XXYLT1: variants seen among roughly 807,000 people sequenced by gnomAD.
XXYLT1 encodes the protein UDP-xylose:alpha-xyloside alpha-1,3-xylosyltransferase.
XXYLT1 carries 20 observed loss-of-function variants against 28.9 expected under a neutral mutation model. The ratio of observed to expected loss-of-function variants is 0.69; its 90% confidence interval spans 0.49 to 1.00. The LOEUF (loss-of-function observed/expected upper bound fraction) is 1.00. XXYLT1 is among the 50% of genes least tolerant of loss of function. XXYLT1 has a pLI of 0.00. For missense variants in XXYLT1, 542 were observed against 560.1 expected (o/e 0.97, Z 0.33); for synonymous variants, 257 against 253.8 (o/e 1.01, Z -0.12).
At chr3:195,212,428 G>C (rs917127787) in intron 2 of XXYLT1, among the ~76,000 whole-genome samples, 4 of 152,204 alleles carry the variant, frequency 2.6e-5, no homozygotes, top group Non-Finnish European at 4.4e-5. Context: ...AGAACAGGCT[G>C]GGTTCCAGTT....
chr3:195,130,933 C>G (rs1017199648), intron 3 of XXYLT1, among the ~76,000 whole-genome samples: 3 of 152,144 alleles, frequency 2.0e-5, no homozygotes, highest in Non-Finnish European at 2.9e-5. Context: ...AGAGCTGGAC[C>G]CAATGGTGAC....
chr3:195,085,054 C>T (rs1403755301), intron 3 of XXYLT1, among the ~76,000 whole-genome samples: 1 of 152,224 alleles, frequency 6.6e-6, no homozygotes, highest in Non-Finnish European at 1.5e-5. Flanking sequence ...AGAGTCTTCA[C>T]GTGGACGTAA....
chr3:195,093,531 G>A (rs1396095646), intron 3 of XXYLT1, among the ~76,000 whole-genome samples: 1 of 143,986 alleles, frequency 6.9e-6, no homozygotes, highest in East Asian at 2.1e-4. Flanking sequence ...GGACTGTTGT[G>A]GGGTGGTGGG....
At chr3:195,137,246 C>A (rs114174899) in intron 3 of XXYLT1, among the ~76,000 whole-genome samples, 28 of 152,272 alleles carry the variant, frequency 1.8e-4, no homozygotes, top group African/African-American at 6.7e-4. Context: ...GGGACAGGGG[C>A]ATTACAAACT....
intron 3 of XXYLT1, among the ~76,000 whole-genome samples, chr3:195,072,064 C>A (rs1056230688): frequency 2.6e-5 from 4 of 152,168 alleles, no homozygotes; most frequent in African/African-American, 7.2e-5. Context: ...GGGGGTGTGG[C>A]CCGTGCAGTC....
chr3:195,144,275 T>C (rs1451207881), intron 3 of XXYLT1, among the ~76,000 whole-genome samples: 1 of 142,216 alleles, frequency 7.0e-6, no homozygotes, highest in African/African-American at 2.4e-5. Flanking sequence ...TCGGTGCAAA[T>C]GGCTGGCTAA....
chr3:195,117,276 G>A (rs1347931000), intron 3 of XXYLT1, among the ~76,000 whole-genome samples: 2 of 152,096 alleles, frequency 1.3e-5, no homozygotes, highest in African/African-American at 4.8e-5. Flanking sequence ...ATTTATAAGT[G>A]AAAAAACTAG....
At chr3:195,110,164 T>A (rs1390099979) in intron 3 of XXYLT1, among the ~76,000 whole-genome samples, 9 of 29,692 alleles carry the variant, frequency 3.0e-4, no homozygotes, top group Non-Finnish European at 5.2e-4. Context: ...GTGTTGTGTG[T>A]GGTGTCTGAG....
intron 3 of XXYLT1, among the ~76,000 whole-genome samples, chr3:195,151,275 G>A (rs1467100398): frequency 6.6e-6 from 1 of 152,204 alleles, no homozygotes; most frequent in Admixed American, 6.5e-5. Context: ...CAGGTGTGGT[G>A]GCTCATACCT....
chr3:195,133,189 G>A lies in XXYLT1; in HGVS notation c.785+23260C>T, dbSNP rs1275306341. On this transcript the variant is annotated intron_variant, in intron 3 of 3. Coordinates refer to ENST00000310380, the MANE Select transcript of XXYLT1 (RefSeq NM_152531.5). This position sits in a 1 kb window ranked among gnomAD's most constrained non-coding sequence, Gnocchi z 4.4. ...GGGCATGAAATGTGAAGAGAAAGAC[G>A]GCTGAAGCCCCAGGTGCCCCGCCTG... 1.3e-5 allele frequency among the ~76,000 whole-genome samples: 2 copies of A among 152,152 alleles called. No individual in the cohort carries two copies. The highest frequency in any genetic ancestry group is 2.4e-5 in the African/African-American group (1 of 41,430).
chr3:195,201,371 G>C (rs548537672), intron 2 of XXYLT1, among the ~76,000 whole-genome samples: 57 of 152,092 alleles, frequency 3.7e-4, no homozygotes, highest in Middle Eastern at 3.2e-3. Context: ...CTGCTTCTGG[G>C]ACATTCCTTA....
At chr3:195,105,743 A>C (rs1717045529) in intron 3 of XXYLT1, among the ~76,000 whole-genome samples, 1 of 152,194 alleles carries the variant, frequency 6.6e-6, no homozygotes, top group Non-Finnish European at 1.5e-5. Flanking sequence ...CCTGAGCCAG[A>C]CCTACACCAT....
intron 2 of XXYLT1, among the ~76,000 whole-genome samples, chr3:195,186,177 T>C (rs1408614373): frequency 1.3e-5 from 2 of 152,306 alleles, no homozygotes; most frequent in East Asian, 3.9e-4. Context: ...CCATTGCTGG[T>C]TCCCTCACCA....
Position 195,112,609 on chromosome 3 carries a change from ACG to A in XXYLT1, c.786-42500_786-42499del, listed in dbSNP as rs1253772898. Among the ~76,000 whole-genome samples, 390 of 95,648 alleles carry A rather than the reference ACG, an allele frequency of 4.1e-3. 3 individuals are homozygous for A. The highest frequency in any genetic ancestry group is 0.01 in the African/African-American group (372 of 36,232). The allele number at this position is 95,648 out of a possible 152,430, so 62.7% of individuals were successfully genotyped here. A position where few individuals can be genotyped will look rare whatever the true frequency, so the allele number is the denominator to read the frequency against. On this transcript the variant is annotated intron_variant, in intron 3 of 3. Coordinates refer to ENST00000310380, the MANE Select transcript of XXYLT1 (RefSeq NM_152531.5). ...CACACACACACACGCATGCACACAC[ACG>A]CACACATGTGCACACACACACCCCC...
Position 195,077,297 on chromosome 3 carries a change from C to A in XXYLT1, c.786-7186G>T, listed in dbSNP as rs554404037. ...CAAAAGCTCCCCCTTGCAACATCTC[C>A]TGCAATCTCAACCCAGAGGCAGTGC... On this transcript the variant is annotated intron_variant, in intron 3 of 3. Transcript: ENST00000310380. The surrounding 1 kb of genome is among the most constrained non-coding windows in gnomAD (Gnocchi z 4.8). 1.3e-5 allele frequency among the ~76,000 whole-genome samples: 2 copies of A among 152,206 alleles called. No homozygotes were observed. The highest frequency in any genetic ancestry group is 2.9e-5 in the Non-Finnish European group (2 of 68,022).
intron 1 of XXYLT1, among the ~76,000 whole-genome samples, chr3:195,233,911 T>TTTTTG (rs1377373935): frequency 3.3e-5 from 5 of 152,068 alleles, no homozygotes; most frequent in African/African-American, 1.2e-4. Context: ...CCCTTTAGCA[T>TTTTTG]TTTTGTTTTG....
rs1721662900 is a variant in XXYLT1 at position 195,176,305 on chromosome 3, A to T, written c.653-19724T>A. Among the ~76,000 whole-genome samples the T allele has an allele frequency of 1.3e-5, 2 of 152,278 alleles. No individual in the cohort carries two copies. The highest frequency in any genetic ancestry group is 4.1e-4 in the South Asian group (2 of 4,826). On this transcript the variant is annotated intron_variant, in intron 2 of 3. Transcript: ENST00000310380. The surrounding 1 kb of genome is among the most constrained non-coding windows in gnomAD (Gnocchi z 4.9). ...ACAACATGACCACATTCCAGTAATG[A>T]CCTGAAAGGGAGAAGAGGTGACGTT...
chr3:195,139,571 G>A (rs1253040153), intron 3 of XXYLT1, among the ~76,000 whole-genome samples: 1 of 152,186 alleles, frequency 6.6e-6, no homozygotes, highest in African/African-American at 2.4e-5. Context: ...TACCTCTTGA[G>A]GGTGGGGTCT....
At chr3:195,252,725 C>CAGAGAGAG (rs1366490007) in intron 1 of XXYLT1, among the ~76,000 whole-genome samples, 16 of 129,132 alleles carry the variant, frequency 1.2e-4, no homozygotes, top group African/African-American at 4.9e-4. Context: ...CACACACACA[C>CAGAGAGAG]ACAGAGAGAG....
Sources: gnomAD v4.1 joint callset for allele counts (sites outside exome capture counted in the v4.1 genomes callset) on GRCh38, gnomAD v4.1.1 for gene constraint, Gnocchi (gnomAD v3.1) non-coding constraint, MANE v1.5 for transcripts, NCBI Gene and HGNC (gene_info 2026-07-23, HGNC 2026-07-21) for gene names.